Variants in LRFN5 observed in about 807,000 individuals in gnomAD.
LRFN5 encodes leucine-rich repeat and fibronectin type-III domain-containing protein 5.
LRFN5 carries 24 observed loss-of-function variants against 45.6 expected under a neutral mutation model. The observed-to-expected ratio is 0.53, with a 90% CI of 0.38 to 0.74. LRFN5 has a LOEUF of 0.74. Among genes scored for constraint, LRFN5 ranks in the 30% least tolerant of loss-of-function variants. The pLI is 0.00. For missense variants in LRFN5, 776 were observed against 861.5 expected, an observed-to-expected ratio of 0.90 and a Z score of 1.24; for synonymous variants, 340 against 313.8, an observed-to-expected ratio of 1.08 and a Z score of -0.88.
chr14:41,756,842 A>G (rs530531096), intron 1 of LRFN5, among the ~76,000 whole-genome samples: 1 of 152,134 alleles, frequency 6.6e-6, no homozygotes, highest in Non-Finnish European at 1.5e-5. Context: ...TCTGATTTTT[A>G]GAGTTTCCAG....
chr14:41,816,908 A>G (rs577907762), intron 2 of LRFN5, among the ~76,000 whole-genome samples: 1 of 146,506 alleles, frequency 6.8e-6, no homozygotes, highest in African/African-American at 2.7e-5. Flanking sequence ...TGTGACACAC[A>G]TGTTATACCA....
In LRFN5 at chr14:41,790,296, T is replaced by C. The variant is rs995341999; in HGVS notation, c.-21+23267T>C. 7.9e-5 allele frequency among the ~76,000 whole-genome samples: 12 copies of C among 151,938 alleles called. 1 individual carries two copies. Among genetic ancestry groups the C allele is most frequent in the Admixed American group, 7.9e-4 (12 of 15,228 alleles). ...TGTGGTAGTGTTCTCTTTTTCATTC[T>C]GGATGGAATTCCTATTTGAGTCTTA... On this transcript the variant is annotated intron_variant, in intron 2 of 5. Transcript: ENST00000298119.
chr14:41,676,734 C>T (rs1182642671), intron 1 of LRFN5, among the ~76,000 whole-genome samples: 1 of 152,144 alleles, frequency 6.6e-6, no homozygotes, highest in Non-Finnish European at 1.5e-5. Flanking sequence ...AAAAAGTCTT[C>T]CTGACTCAAG....
At chr14:41,775,093 C>CTTTTTTTT (rs59438733) in intron 2 of LRFN5, among the ~76,000 whole-genome samples, 9,200 of 112,090 alleles carry the variant, frequency 0.082, 1,177 homozygotes, top group African/African-American at 0.18. Flanking sequence ...TTTTCTTTTT[C>CTTTTTTTT]TTTTTTTTTT....
intron 2 of LRFN5, among the ~76,000 whole-genome samples, chr14:41,838,154 A>T (rs1272553727): frequency 6.6e-6 from 1 of 152,168 alleles, no homozygotes; most frequent in Non-Finnish European, 1.5e-5. Flanking sequence ...GATATGCACT[A>T]TGTTATTCTA....
intron 1 of LRFN5, among the ~76,000 whole-genome samples, chr14:41,710,783 C>A (rs577220952): frequency 2.6e-5 from 4 of 151,838 alleles, no homozygotes; most frequent in Non-Finnish European, 5.9e-5. Context: ...CCCGACCCCA[C>A]GACAGGCCCC....
chr14:41,820,907 C>T (rs1424383160), intron 2 of LRFN5, among the ~76,000 whole-genome samples: 4 of 151,860 alleles, frequency 2.6e-5, no homozygotes, highest in African/African-American at 2.4e-5. Context: ...TGATTTAGTT[C>T]TCAGTTTGAT....
At chr14:41,775,900 T>A (rs10483525) in intron 2 of LRFN5, among the ~76,000 whole-genome samples, 41,765 of 152,132 alleles carry the variant, frequency 0.27, 6,052 homozygotes, top group South Asian at 0.43. Context: ...TGATCAAAAT[T>A]TTCGGTCAGA....
intron 4 of LRFN5, 150 bp from the exon 5 acceptor site, chr14:41,898,767 A>G: frequency 1.5e-6 from 1 of 671,316 alleles, no homozygotes; most frequent in Non-Finnish European, 2.5e-6. Flanking sequence ...CAATTAACCC[A>G]TGAACTGGTA....
At chr14:41,790,572 A>G (rs1209592637) in intron 2 of LRFN5, among the ~76,000 whole-genome samples, 5 of 94,038 alleles carry the variant, frequency 5.3e-5, no homozygotes, top group Non-Finnish European at 4.2e-5. Flanking sequence ...TGTAAGGCTA[A>G]TTTTGTTTTT....
At chr14:41,788,593 A>G (rs1405028209) in intron 2 of LRFN5, among the ~76,000 whole-genome samples, 3 of 152,118 alleles carry the variant, frequency 2.0e-5, no homozygotes, top group Admixed American at 2.0e-4. Context: ...TCCAGGGAGA[A>G]CAAAGAATAA....
chr14:41,688,952 T>TG (rs1349053211), intron 1 of LRFN5, among the ~76,000 whole-genome samples: 1 of 149,000 alleles, frequency 6.7e-6, no homozygotes, highest in African/African-American at 2.5e-5. Flanking sequence ...AGCTGGGTGT[T>TG]GGGGTGTATG....
intron 1 of LRFN5, among the ~76,000 whole-genome samples, chr14:41,634,198 A>C (rs79572732): frequency 1.8e-4 from 27 of 152,260 alleles, no homozygotes; most frequent in Non-Finnish European, 3.4e-4. Context: ...ATGCATCATA[A>C]TGAGCTCCAC....
chr14:41,680,857 C>T (rs1566618523), intron 1 of LRFN5, among the ~76,000 whole-genome samples: 1 of 151,712 alleles, frequency 6.6e-6, no homozygotes, highest in East Asian at 1.9e-4. Context: ...GGAAGCTCAA[C>T]AAAATTTAAG....
chr14:41,704,432 C>CTG (rs1312895541), intron 1 of LRFN5, among the ~76,000 whole-genome samples: 27 of 28,598 alleles, frequency 9.4e-4, no homozygotes, highest in Non-Finnish European at 1.3e-3. Flanking sequence ...CTCTCTCTCT[C>CTG]TCTCTCTCTC....
intron 1 of LRFN5, among the ~76,000 whole-genome samples, chr14:41,653,886 T>C (rs1205748344): frequency 6.6e-6 from 1 of 152,012 alleles, no homozygotes; most frequent in Non-Finnish European, 1.5e-5. Context: ...TAATCAGGTG[T>C]GTTGTGTAAG....
At chr14:41,676,591 A>G (rs111991655) in intron 1 of LRFN5, among the ~76,000 whole-genome samples, 403 of 152,286 alleles carry the variant, frequency 2.6e-3, no homozygotes, top group Middle Eastern at 0.01. Context: ...CTAGGTTTTC[A>G]GTCAACTCTC....
chr14:41,871,545 C>T (rs1009890589), intron 2 of LRFN5, among the ~76,000 whole-genome samples: 1 of 151,562 alleles, frequency 6.6e-6, no homozygotes, highest in Non-Finnish European at 1.5e-5. Context: ...GCTGAGATTT[C>T]ACCATTGCAC....
At chr14:41,847,165 C>G (rs1223060879) in intron 2 of LRFN5, among the ~76,000 whole-genome samples, 1 of 151,884 alleles carries the variant, frequency 6.6e-6, no homozygotes, top group African/African-American at 2.4e-5. Flanking sequence ...TCATTGGGGC[C>G]CACACTCTTT....
Sources: gnomAD v4.1 joint callset for allele counts (sites outside exome capture counted in the v4.1 genomes callset) on GRCh38, gnomAD v4.1.1 for gene constraint, MANE v1.5 for transcripts, NCBI Gene and HGNC (gene_info 2026-07-23, HGNC 2026-07-21) for gene names.